Variants in SYNE2 observed in about 807,000 individuals in gnomAD.
SYNE2 encodes nesprin-2.
A neutral mutation model predicts 856.3 loss-of-function variants in SYNE2; 431 were observed. That is an observed-to-expected ratio of 0.50 (90% CI 0.47 to 0.55). SYNE2 has a LOEUF of 0.55. Among genes scored for constraint, SYNE2 ranks in the 20% least tolerant of loss-of-function variants. The probability of loss-of-function intolerance (pLI) is 0.00; values close to 1 mark genes in which losing one functional copy is unlikely to be tolerated. For synonymous variants in SYNE2, 2,923 were observed against 2,872.3 expected, an observed-to-expected ratio of 1.02 and a Z score of -0.56; for missense variants, 8,129 against 8,023.2, an observed-to-expected ratio of 1.01 and a Z score of -0.50.
intron 76 of SYNE2, 127 bp downstream of exon 76, chr14:64,130,375 C>T: frequency 2.2e-6 from 2 of 902,434 alleles, no homozygotes; most frequent in South Asian, 2.9e-5. Flanking sequence ...TTTTAATAAA[C>T]ATCTATTAGA....
chr14:63,980,869 T>G, intron 15 of SYNE2, 117 bp from the exon 16 acceptor site: 1 of 1,059,698 alleles, frequency 9.4e-7, no homozygotes, highest in Non-Finnish European at 1.4e-6. Context: ...CTTTCACTTT[T>G]AATATTGTCA....
intron 7 of SYNE2, 49 bp downstream of exon 7, chr14:63,950,055 A>G (rs771659205): frequency 6.3e-7 from 1 of 1,584,836 alleles, no homozygotes; most frequent in Non-Finnish European, 8.7e-7. Flanking sequence ...AGCTGTATCA[A>G]CCAACACCAC....
chr14:64,075,959 C>A lies in SYNE2; in HGVS notation c.10881C>A (p.Ile3627=). The A allele has an allele frequency of 6.2e-7, 1 of 1,613,732 alleles. No homozygotes were observed. Among genetic ancestry groups the A allele is most frequent in the East Asian group, 2.2e-5 (1 of 44,828 alleles). The change falls in exon 54 of 116, where the codon ATC becomes ATA. Residue 3627 remains isoleucine, a synonymous_variant. Transcript: ENST00000555002. ...KSEQFEELQS[I]LKKGKLTFEN... ...AATGCTTTTAGGAGCTTCAAAGCAT[C>A]CTTAAGAAAGGGAAACTAACTTTTG...
chr14:64,220,387 CT>C (rs753323619), intron 110 of SYNE2, 49 bp from the exon 111 acceptor site: 17 of 1,604,700 alleles, frequency 1.1e-5, no homozygotes, highest in African/African-American at 2.7e-5. Flanking sequence ...AAATGAGCCC[CT>C]CCTCCCTACT....
intron 66 of SYNE2, among the ~76,000 whole-genome samples, chr14:64,114,469 G>T (rs1046531879): frequency 6.6e-6 from 1 of 152,136 alleles, no homozygotes; most frequent in Non-Finnish European, 1.5e-5. Flanking sequence ...TCCTGCTGTA[G>T]CCTGTTATGT....
intron 1 of SYNE2, among the ~76,000 whole-genome samples, chr14:63,800,461 T>G (rs1446590936): frequency 2.0e-5 from 3 of 152,148 alleles, no homozygotes; most frequent in Admixed American, 6.5e-5. Flanking sequence ...TCTCTAATTT[T>G]GTATTTTAGT....
intron 2 of SYNE2, among the ~76,000 whole-genome samples, chr14:63,939,310 A>G (rs966673601): frequency 1.1e-4 from 16 of 149,332 alleles, no homozygotes; most frequent in African/African-American, 4.0e-4. Context: ...CTGAGGGTTC[A>G]GGTCTTCCCC....
intron 66 of SYNE2, among the ~76,000 whole-genome samples, chr14:64,114,318 C>T (rs1031274149): frequency 1.3e-5 from 2 of 152,138 alleles, no homozygotes; most frequent in South Asian, 2.1e-4. Context: ...AGCAGGGGCA[C>T]GCGAGCTGCT....
At chr14:63,980,564 C>T in intron 14 of SYNE2, 90 bp from the exon 15 acceptor site, 1 of 851,262 alleles carries the variant, frequency 1.2e-6, no homozygotes. Flanking sequence ...TAACTCTGTC[C>T]TTCGTTGAAT....
intron 16 of SYNE2, among the ~76,000 whole-genome samples, chr14:63,981,461 A>T (rs1015268718): frequency 2.0e-5 from 3 of 152,230 alleles, no homozygotes; most frequent in East Asian, 3.9e-4. Flanking sequence ...AGCTTTTGGG[A>T]GATGTTTTGC....
At chr14:64,112,151 T>C (rs1409285465) in intron 65 of SYNE2, among the ~76,000 whole-genome samples, 1 of 152,214 alleles carries the variant, frequency 6.6e-6, no homozygotes, top group Non-Finnish European at 1.5e-5. Context: ...TTTTGTTCGC[T>C]CTTTTACACT....
At chr14:64,042,793 C>T (rs2097158660) in intron 45 of SYNE2, among the ~76,000 whole-genome samples, 1 of 152,064 alleles carries the variant, frequency 6.6e-6, no homozygotes, top group African/African-American at 2.4e-5. Flanking sequence ...TTGGGTATGT[C>T]TTTATCAGCA....
chr14:63,828,014 G>C (rs372848259), intron 1 of SYNE2, among the ~76,000 whole-genome samples: 1 of 146,418 alleles, frequency 6.8e-6, no homozygotes, highest in Non-Finnish European at 1.5e-5. Flanking sequence ...GCAACAAGGC[G>C]AGTCTTCGTC....
intron 59 of SYNE2, among the ~76,000 whole-genome samples, chr14:64,090,504 G>C (rs1014815605): frequency 2.0e-5 from 3 of 152,186 alleles, no homozygotes; most frequent in African/African-American, 7.2e-5. Flanking sequence ...GGGAAGTCCT[G>C]TGCTAGGTGT....
chr14:63,997,114 T>G lies in SYNE2; in HGVS notation c.3108T>G (p.Ile1036Met). ...IERLLKCASE[I>M]HMTLQPTAGG... ...GACTTCTGAAATGTGCTTCCGAGAT[T>G]CATATGACACTGCAGCCCACAGCGG... The change falls in exon 24 of 116, where the codon ATT becomes ATG. Residue 1036 changes from isoleucine (I) to methionine (M), a missense_variant. Physicochemically the swap from Ile to Met is conservative, Grantham distance 10. Transcript: ENST00000555002. 1 of 1,614,142 alleles carries G rather than the reference T, an allele frequency of 6.2e-7. No individual in the cohort carries two copies. The highest frequency in any genetic ancestry group is 8.5e-7 in the Non-Finnish European group (1 of 1,180,020).
At chr14:63,887,207 G>C (rs1051986302) in intron 1 of SYNE2, among the ~76,000 whole-genome samples, 19 of 152,014 alleles carry the variant, frequency 1.2e-4, no homozygotes, top group Non-Finnish European at 4.4e-5. Flanking sequence ...CTTGAACTGG[G>C]GAGGCGGAGG....
intron 10 of SYNE2, among the ~76,000 whole-genome samples, chr14:63,964,287 T>G (rs889562803): frequency 6.6e-6 from 1 of 152,306 alleles, no homozygotes; most frequent in Admixed American, 6.5e-5. Flanking sequence ...TTGGAGTACT[T>G]TGAGCAGCAT....
At chr14:64,198,081 C>T (rs1323684121) in intron 99 of SYNE2, among the ~76,000 whole-genome samples, 1 of 152,148 alleles carries the variant, frequency 6.6e-6, no homozygotes, top group African/African-American at 2.4e-5. Context: ...ATTCTCATAA[C>T]TGGAATTTAA....
chr14:64,085,217 C>T (rs777726955), intron 57 of SYNE2, among the ~76,000 whole-genome samples: 8 of 152,146 alleles, frequency 5.3e-5, no homozygotes, highest in South Asian at 2.1e-4. Flanking sequence ...GGACTACAGG[C>T]GCACACAACC....
Sources: allele counts gnomAD v4.1 joint callset (sites outside exome capture counted in the v4.1 genomes callset), GRCh38; gene constraint gnomAD v4.1.1; transcripts MANE v1.5; gene names NCBI Gene and HGNC (gene_info 2026-07-23, HGNC 2026-07-21).